Variants in LRIT2 observed in about 807,000 individuals in gnomAD.
LRIT2 encodes leucine-rich repeat, immunoglobulin-like domain and transmembrane domain-containing protein 2.
LRIT2 carries 23 observed loss-of-function variants against 22.4 expected under a neutral mutation model. The observed-to-expected ratio is 1.03, with a 90% CI of 0.74 to 1.45. The LOEUF (loss-of-function observed/expected upper bound fraction) is 1.45. Ranked by LOEUF, LRIT2 falls within the 40% of genes most tolerant of loss-of-function variation. The pLI is 0.00. For missense variants in LRIT2, 784 were observed against 665.6 expected, an observed-to-expected ratio of 1.18 and a Z score of -1.96; for synonymous variants, 291 against 267.1, an observed-to-expected ratio of 1.09 and a Z score of -0.87.
rs777602767 is a variant in LRIT2 at position 84,222,314 on chromosome 10, A to G, written c.1259T>C (p.Val420Ala). The G allele has an allele frequency of 3.7e-6, 6 of 1,614,210 alleles. No individual in the cohort carries two copies. Among genetic ancestry groups the G allele is most frequent in the Admixed American group, 3.3e-5 (2 of 60,032 alleles). Residue 420 changes from valine to alanine, a missense_variant, in exon 3 of 3, where the codon GTG (valine) becomes GCG (alanine). Val to Ala is a moderately conservative substitution (Grantham distance 64). Transcript: ENST00000372113. Reference sequence around the variant, plus strand: ...TTTTGTGCCAGGAAGGAGGTCATCCACAGCATAAGTATTGATTCCGGGGCC... The same window carrying G: ...TTTTGTGCCAGGAAGGAGGTCATCCGCAGCATAAGTATTGATTCCGGGGCC... ...HIGPGINTYA[V>A]DDLLPGTKYE...
At chr10:84,222,958 T>C in intron 2 of LRIT2, 1 of 680,428 alleles carries the variant, frequency 1.5e-6, no homozygotes, top group Non-Finnish European at 2.7e-6. Flanking sequence ...ACAATTGATA[T>C]GGGACCTGGC....
Position 84,221,921 on chromosome 10 carries a change from C to T in LRIT2, c.1652G>A (p.Ter551=), listed in dbSNP as rs1288788585. The part of the protein sequence containing the change: ...KEKGGTEDNS[*] ...TTTCCACCCCATGGCCTGGGTTGTT[C>T]AGCTGTTGTCTTCCGTTCCTCCTTT... Residue 551 remains the stop codon, a stop_retained_variant, in exon 3 of 3, where the codon TGA becomes TAA. Coordinates refer to ENST00000372113, the MANE Select transcript of LRIT2 (RefSeq NM_001017924.5). 2 of 1,521,560 alleles carry T rather than the reference C, an allele frequency of 1.3e-6. No homozygotes were observed. The highest frequency in any genetic ancestry group is 2.8e-5 in the African/African-American group (2 of 71,968). 94.3% of individuals were successfully genotyped at this position (1,521,560 alleles called of 1,614,324 possible). A position where few individuals can be genotyped will look rare whatever the true frequency, so the allele number is the denominator to read the frequency against.
intron 2 of LRIT2, chr10:84,222,963 C>A: frequency 1.5e-6 from 1 of 669,570 alleles, no homozygotes; most frequent in East Asian, 2.7e-5. Context: ...TGATATGGGA[C>A]CTGGCTCTTC....
chr10:84,224,363 A>C lies in LRIT2; in HGVS notation c.862T>G (p.Tyr288Asp), dbSNP rs775983640. ...ASPSPSIAWT[Y>D]PLSMWREFDV... ...AATTCTCTCCACATACTCAGGGGAT[A>C]AGTCCATGCAATGGATGGTGAGGGG... is the stretch of plus-strand genomic sequence containing the variant. Residue 288 changes from tyrosine (Y) to aspartate (D), a missense_variant, in exon 2 of 3, where the codon TAT (tyrosine) becomes GAT (aspartate). Coordinates refer to ENST00000372113, the MANE Select transcript of LRIT2 (RefSeq NM_001017924.5). 1 of 1,613,748 alleles carries C rather than the reference A, an allele frequency of 6.2e-7. No homozygotes were observed. Among genetic ancestry groups the C allele is most frequent in the African/African-American group, 1.3e-5 (1 of 74,924 alleles).
chr10:84,222,780 T>C (rs1317601696), intron 2 of LRIT2, 100 bp from the exon 3 acceptor site: 5 of 1,414,832 alleles, frequency 3.5e-6, no homozygotes, highest in Non-Finnish European at 4.9e-6. Context: ...TTGTTTTTTG[T>C]TATTGTTGTT....
chr10:84,225,562 T>A (rs1054363855), upstream of LRIT2: 3 of 1,595,918 alleles, frequency 1.9e-6, no homozygotes, highest in Non-Finnish European at 2.6e-6. Flanking sequence ...TGAATAAGTA[T>A]CGCCCCAGCT....
Position 84,224,468 on chromosome 10 carries a change from G to C in LRIT2, c.757C>G (p.Pro253Ala). 6.2e-7 allele frequency: 1 copy of C among 1,614,228 alleles called. No individual in the cohort carries two copies. The highest frequency in any genetic ancestry group is 1.1e-5 in the South Asian group (1 of 91,086). Residue 253 changes from proline to alanine, a missense_variant, in exon 2 of 3, where the codon CCA (proline) becomes GCA (alanine). Transcript: ENST00000372113. Reference sequence around the variant, plus strand: ...TTGGCACTGGGGGTTGAGATCTGTGGCTTCATGCAAGCACTAAGCTCAGTT... The same window carrying C: ...TTGGCACTGGGGGTTGAGATCTGTGCCTTCATGCAAGCACTAAGCTCAGTT... ...HETELSACMKPQISTPSANIT... is the reference protein window; with the variant it reads ...HETELSACMKAQISTPSANIT...
chr10:84,222,177 C>T lies in LRIT2; in HGVS notation c.1396G>A (p.Val466Ile), dbSNP rs531991237. Residue 466 changes from valine to isoleucine, a missense_variant, in exon 3 of 3, where the codon GTC becomes ATC. Coordinates refer to ENST00000372113, the MANE Select transcript of LRIT2 (RefSeq NM_001017924.5). ...AGCACCACACACAGGACCACTGTGA[C>T]ATGCAGGAGGTGCTCACGTGCCTCT... is the stretch of plus-strand genomic sequence containing the variant. ...GLEAREHLLH[V>I]TVVLCVVLLA... 2 of 1,614,154 alleles carry T rather than the reference C, an allele frequency of 1.2e-6. No individual in the cohort carries two copies. The highest frequency in any genetic ancestry group is 1.7e-4 in the Middle Eastern group (1 of 6,058).
Position 84,225,056 on chromosome 10 carries a change from A to C in LRIT2, c.169T>G (p.Phe57Val). The C allele has an allele frequency of 6.2e-7, 1 of 1,613,888 alleles. No homozygotes were observed. Among genetic ancestry groups the C allele is most frequent in the Non-Finnish European group, 8.5e-7 (1 of 1,179,970 alleles). ...GAATTTTCAATTCTCACTTGCTTGA[A>C]CTCTTCAGAAAGGTTCCCAGGGATC... The part of the protein sequence containing the change: ...GKIPGNLSEE[F>V]KQVRIENSPL... The change falls in exon 2 of 3, where the codon TTC becomes GTC. Residue 57 changes from phenylalanine (F) to valine (V), a missense_variant. By Grantham distance (50) the Phe-to-Val change is conservative (BLOSUM62 -1). Transcript: ENST00000372113.
Position 84,221,874 on chromosome 10 carries a change from C to T in LRIT2, c.*46G>A, listed in dbSNP as rs1345484142. On this transcript the variant is annotated 3_prime_UTR_variant, in exon 3 of 3. Coordinates refer to ENST00000372113, the MANE Select transcript of LRIT2 (RefSeq NM_001017924.5). ...TGGAGCTGCTGCAGAGGGTTGGTTT[C>T]AGAGGCTTGAAGCCCAAGCCGTTTC... The T allele has an allele frequency of 1.3e-6, 2 of 1,502,542 alleles. No individual in the cohort carries two copies. Among genetic ancestry groups the T allele is most frequent in the Non-Finnish European group, 1.8e-6 (2 of 1,124,156 alleles). 93.1% of individuals were successfully genotyped at this position (1,502,542 alleles called of 1,614,324 possible).
chr10:84,222,274 G>A lies in LRIT2; in HGVS notation c.1299C>T (p.Leu433=), dbSNP rs140213191. Residue 433 remains leucine (L), a synonymous_variant, in exon 3 of 3, where the codon CTC becomes CTT. Transcript: ENST00000372113. ...LLPGTKYEAC[L]SLEGQPPHQG... ...GGTGTGGAGGCTGGCCCTCTAGGCT[G>A]AGGCAGGCCTCATATTTTGTGCCAG... 29 of 1,614,240 alleles carry A rather than the reference G, an allele frequency of 1.8e-5. No individual in the cohort carries two copies. In the African/African-American group the frequency reaches 3.7e-4, roughly 21 times the overall value.
At chr10:84,220,561 A>T, downstream of LRIT2, 1 of 152,212 alleles carries the variant, frequency 6.6e-6, no homozygotes, top group Middle Eastern at 3.4e-3. Context: ...AAATGAGCGG[A>T]CAATTAGTCT....
At position 84,225,327 on chromosome 10, in the gene LRIT2, A is replaced by C. The variant is rs868736160; in HGVS notation, c.110+84T>G. 4 of 1,481,790 alleles carry C rather than the reference A, an allele frequency of 2.7e-6. No individual in the cohort carries two copies. The South Asian group carries it at 5.2e-5, about 19-fold the overall frequency. The allele number at this position is 1,481,790 out of a possible 1,614,324, so 91.8% of individuals were successfully genotyped here. A position where few individuals can be genotyped will look rare whatever the true frequency, so the allele number is the denominator to read the frequency against. On this transcript the variant is annotated intron_variant, in intron 1 of 2. Transcript: ENST00000372113. ...ATAGAGTTTTGCTGATTTCCTGCCA[A>C]TTCTAAGCCTGCTTCCACTCCACAT...
rs373496273 is a variant in LRIT2 at position 84,221,926 on chromosome 10, G to A, written c.1647C>T (p.Asn549=). 8 of 1,523,616 alleles carry A rather than the reference G, an allele frequency of 5.3e-6. No homozygotes were observed. The African/African-American group carries it at 8.3e-5, about 16-fold the overall frequency. The allele number at this position is 1,523,616 out of a possible 1,614,324, so 94.4% of individuals were successfully genotyped here. ...ACCCCATGGCCTGGGTTGTTCAGCT[G>A]TTGTCTTCCGTTCCTCCTTTCTCCT... ...GDKEKGGTED[N]S The change falls in exon 3 of 3, where the codon AAC becomes AAT. Residue 549 remains asparagine, a synonymous_variant. Transcript: ENST00000372113.
intron 2 of LRIT2, among the ~76,000 whole-genome samples, chr10:84,223,082 C>A (rs559930765): frequency 6.6e-6 from 1 of 152,160 alleles, no homozygotes; most frequent in African/African-American, 2.4e-5. Context: ...TGTGATTGTA[C>A]GATATTATGA....
Position 84,222,058 on chromosome 10 carries a change from T to C in LRIT2, c.1515A>G (p.Lys505=). The change falls in exon 3 of 3, where the codon AAA becomes AAG. Residue 505 remains lysine (K), a synonymous_variant. Transcript: ENST00000372113. Reference sequence around the variant, plus strand: ...GGGCTGCAGGGGTGCAGCTGGGGGCTTTCCTGCGATGAAGACAGCCGCGCA... The same window carrying C: ...GGGCTGCAGGGGTGCAGCTGGGGGCCTTCCTGCGATGAAGACAGCCGCGCA... ...WVLRGCLHRR[K]APSCTPAAPQ... is the part of the protein sequence containing the mutation. The C allele has an allele frequency of 6.2e-7, 1 of 1,610,940 alleles. No homozygotes were observed. Among genetic ancestry groups the C allele is most frequent in the Non-Finnish European group, 8.5e-7 (1 of 1,178,232 alleles).
rs1288788585 is a variant in LRIT2, at chr10:84,221,921, C to A, written c.1652G>T (p.Ter551LeuextTer41). ...KEKGGTEDNS* is the reference protein window; with the variant it reads ...KEKGGTEDNSL ...TTTCCACCCCATGGCCTGGGTTGTTCAGCTGTTGTCTTCCGTTCCTCCTTT... is the reference window on the plus strand; with the variant it reads ...TTTCCACCCCATGGCCTGGGTTGTTAAGCTGTTGTCTTCCGTTCCTCCTTT... Residue 551 changes from the stop codon to leucine (L), a stop_lost, in exon 3 of 3, where the codon TGA becomes TTA. Transcript: ENST00000372113. The A allele has an allele frequency of 6.6e-7, 1 of 1,521,678 alleles. No individual in the cohort carries two copies. The highest frequency in any genetic ancestry group is 1.4e-5 in the African/African-American group (1 of 72,090). 94.3% of individuals were successfully genotyped at this position (1,521,678 alleles called of 1,614,324 possible). A position where few individuals can be genotyped will look rare whatever the true frequency, so the allele number is the denominator to read the frequency against.
chr10:84,223,550 A>G (rs569243535), intron 2 of LRIT2, among the ~76,000 whole-genome samples: 1 of 147,410 alleles, frequency 6.8e-6, no homozygotes, highest in Non-Finnish European at 1.5e-5. Context: ...ACCTGGGCAA[A>G]TGACTATATT....
chr10:84,222,255 G>C lies in LRIT2; in HGVS notation c.1318C>G (p.Pro440Ala), dbSNP rs140806455. ...AAAGCTACACACTGGCCCTGGTGTG[G>C]AGGCTGGCCCTCTAGGCTGAGGCAG... ...EACLSLEGQP[P>A]HQGQCVAFVT... Residue 440 changes from proline to alanine, a missense_variant, in exon 3 of 3, where the codon CCA (proline) becomes GCA (alanine). Transcript: ENST00000372113. The C allele has an allele frequency of 1.4e-5, 23 of 1,614,236 alleles. No homozygotes were observed. The African/African-American group carries it at 1.7e-4, about 12-fold the overall frequency.
Sources: allele counts gnomAD v4.1 joint callset (sites outside exome capture counted in the v4.1 genomes callset), GRCh38; gene constraint gnomAD v4.1.1; transcripts MANE v1.5; gene names NCBI Gene and HGNC (gene_info 2026-07-23, HGNC 2026-07-21).